The following DAAM1 variants were observed in gnomAD, a reference collection of about 807,000 sequenced individuals.
The protein encoded by DAAM1 is disheveled-associated activator of morphogenesis 1.
In DAAM1, 52 loss-of-function variants were observed where a neutral mutation model predicts 130.0. The observed-to-expected ratio is 0.40, with a 90% CI of 0.32 to 0.50. The LOEUF is 0.50. Ranked by LOEUF, DAAM1 falls within the 20% of genes least tolerant of loss-of-function variation. DAAM1 has a pLI of 0.61. For synonymous variants in DAAM1, 452 were observed against 444.5 expected (o/e 1.02, Z -0.21); for missense variants, 1,134 against 1,303.8 (o/e 0.87, Z 2.01).
intron 15 of DAAM1, chr14:59,338,517 T>A: frequency 7.6e-7 from 1 of 1,323,876 alleles, no homozygotes; most frequent in Non-Finnish European, 1.1e-6. Flanking sequence ...TTTTGTTTTT[T>A]TACATAGTGT....
At chr14:59,222,192 G>C (rs1326365375) in intron 1 of DAAM1, among the ~76,000 whole-genome samples, 1 of 152,106 alleles carries the variant, frequency 6.6e-6, no homozygotes, top group Non-Finnish European at 1.5e-5. Context: ...CCGTGAGTTC[G>C]GGCCCCTTTC....
intron 4 of DAAM1, among the ~76,000 whole-genome samples, chr14:59,319,719 A>G (rs1884932714): frequency 1.3e-5 from 2 of 152,148 alleles, no homozygotes; most frequent in African/African-American, 4.8e-5. Context: ...GGCATTCTCA[A>G]TTTTATAATA....
chr14:59,357,238 A>G (rs1266342875), intron 20 of DAAM1: 1 of 152,280 alleles, frequency 6.6e-6, no homozygotes, highest in Non-Finnish European at 1.5e-5. Context: ...ATGTCTGTCA[A>G]TAGCAAAGCA....
intron 1 of DAAM1, among the ~76,000 whole-genome samples, chr14:59,203,924 A>G (rs1888186535): frequency 6.6e-6 from 1 of 152,222 alleles, no homozygotes; most frequent in African/African-American, 2.4e-5. Context: ...TTTATTTAAC[A>G]GGGATTATGT....
At chr14:59,260,872 A>G (rs1424138875) in intron 1 of DAAM1, among the ~76,000 whole-genome samples, 2 of 152,188 alleles carry the variant, frequency 1.3e-5, no homozygotes, top group East Asian at 3.9e-4. Flanking sequence ...AGCGAGAAGG[A>G]ATGAGTAGTC....
intron 23 of DAAM1, among the ~76,000 whole-genome samples, chr14:59,365,425 C>T (rs957723487): frequency 1.9e-4 from 29 of 152,052 alleles, no homozygotes; most frequent in African/African-American, 5.6e-4. Flanking sequence ...CTATATATGG[C>T]GTCTGAAGAA....
intron 2 of DAAM1, among the ~76,000 whole-genome samples, chr14:59,274,542 T>C (rs1882870422): frequency 1.3e-5 from 2 of 152,128 alleles, no homozygotes; most frequent in Non-Finnish European, 2.9e-5. Flanking sequence ...CTTAGGATCC[T>C]GGGGGCCTAG....
chr14:59,364,561 T>TG (rs5809028), intron 23 of DAAM1, among the ~76,000 whole-genome samples: 62,171 of 151,876 alleles, frequency 0.41, 15,127 homozygotes, highest in East Asian at 0.84. Context: ...TCTTTATAAA[T>TG]GATATTAACA....
Position 59,330,820 on chromosome 14 carries a change from G to T in DAAM1, c.1560+132G>T, listed in dbSNP as rs985048931. On this transcript the variant is annotated intron_variant, in intron 13 of 24. Coordinates refer to ENST00000360909, the MANE Select transcript of DAAM1 (RefSeq NM_001270520.2). ...GGCTCATGATTCATCACAATTAGGA[G>T]ACTCACTCCCTCTGCTATCATGTAG... The T allele has an allele frequency of 9.3e-5, 87 of 938,160 alleles. No homozygotes were observed. The East Asian group carries it at 1.4e-3, about 15-fold the overall frequency. 58.1% of individuals were successfully genotyped at this position (938,160 alleles called of 1,614,324 possible).
At chr14:59,265,416 G>A (rs1292943932) in intron 2 of DAAM1, 3 of 152,206 alleles carry the variant, frequency 2.0e-5, no homozygotes, top group Admixed American at 1.3e-4. Context: ...TAACAAGGAA[G>A]TTTGAAATAG....
chr14:59,320,628 C>G, intron 5 of DAAM1, 44 bp downstream of exon 5: 1 of 1,433,866 alleles, frequency 7.0e-7, no homozygotes, highest in Non-Finnish European at 9.4e-7. Flanking sequence ...TTCTCTCCTT[C>G]CTTCCTTTTT....
chr14:59,352,014 T>A (rs1360218842), intron 17 of DAAM1, among the ~76,000 whole-genome samples: 1 of 152,130 alleles, frequency 6.6e-6, no homozygotes, highest in Non-Finnish European at 1.5e-5. Flanking sequence ...AAAGATTGAA[T>A]TAGATAAACC....
intron 23 of DAAM1, among the ~76,000 whole-genome samples, chr14:59,364,463 CTA>C (rs1886834750): frequency 1.3e-5 from 2 of 152,132 alleles, no homozygotes; most frequent in African/African-American, 2.4e-5. Context: ...TCACTCCTCT[CTA>C]TCTCAGGTTG....
intron 1 of DAAM1, among the ~76,000 whole-genome samples, chr14:59,252,324 A>G (rs949105365): frequency 3.3e-5 from 5 of 152,256 alleles, no homozygotes; most frequent in Non-Finnish European, 7.3e-5. Flanking sequence ...GAGGATATCA[A>G]GGGGAATCAT....
At chr14:59,307,765 A>G (rs544249757) in intron 3 of DAAM1, among the ~76,000 whole-genome samples, 1 of 152,312 alleles carries the variant, frequency 6.6e-6, no homozygotes, top group Non-Finnish European at 1.5e-5. Context: ...AGAATAGTGG[A>G]GATAGCAAAA....
At chr14:59,351,876 A>G (rs1220379829) in intron 17 of DAAM1, among the ~76,000 whole-genome samples, 1 of 152,214 alleles carries the variant, frequency 6.6e-6, no homozygotes, top group South Asian at 2.1e-4. Flanking sequence ...GCACTGTTTC[A>G]GTTTTAAATA....
intron 15 of DAAM1, among the ~76,000 whole-genome samples, chr14:59,335,072 A>G (rs1885577174): frequency 6.6e-6 from 1 of 152,182 alleles, no homozygotes. Context: ...TTTATAGATA[A>G]TAAAAACATG....
At chr14:59,280,670 C>A (rs1258036897) in intron 2 of DAAM1, among the ~76,000 whole-genome samples, 1 of 147,428 alleles carries the variant, frequency 6.8e-6, no homozygotes, top group Non-Finnish European at 1.5e-5. Flanking sequence ...GTACCAATAA[C>A]ATATAGCAAT....
intron 1 of DAAM1, among the ~76,000 whole-genome samples, chr14:59,248,635 T>C (rs1881503065): frequency 6.6e-6 from 1 of 152,196 alleles, no homozygotes; most frequent in Admixed American, 6.5e-5. Flanking sequence ...ACACATGTGC[T>C]TTTGTGTTCT....
Sources: gnomAD v4.1 joint callset for allele counts (sites outside exome capture counted in the v4.1 genomes callset) on GRCh38, gnomAD v4.1.1 for gene constraint, MANE v1.5 for transcripts, NCBI Gene and HGNC (gene_info 2026-07-23, HGNC 2026-07-21) for gene names.